The following HEMGN variants were observed in gnomAD, a reference collection of about 807,000 sequenced individuals.
The protein encoded by HEMGN is erythroid differentiation-associated gene protein.
A neutral mutation model predicts 45.7 loss-of-function variants in HEMGN; 32 were observed. That is an observed-to-expected ratio of 0.70 (90% confidence interval 0.53 to 0.94). The LOEUF is 0.94. HEMGN is among the 40% of genes least tolerant of loss of function. The probability of loss-of-function intolerance (pLI) is 0.00; values close to 1 mark genes in which losing one functional copy is unlikely to be tolerated. For missense variants in HEMGN, 530 were observed against 564.2 expected, an observed-to-expected ratio of 0.94 and a Z score of 0.61; for synonymous variants, 183 against 178.6, an observed-to-expected ratio of 1.02 and a Z score of -0.20.
At chr9:97,929,113 G>A (rs1826892690) in intron 3 of HEMGN, among the ~76,000 whole-genome samples, 1 of 152,128 alleles carries the variant, frequency 6.6e-6, no homozygotes, top group Non-Finnish European at 1.5e-5. Flanking sequence ...TGACCATATC[G>A]ACCTTGCTGG....
intron 1 of HEMGN, among the ~76,000 whole-genome samples, chr9:97,944,501 G>A (rs1203332148): frequency 6.6e-6 from 1 of 152,064 alleles, no homozygotes; most frequent in Non-Finnish European, 1.5e-5. Flanking sequence ...ACTTCTCATT[G>A]GAAGCATTGG....
Position 97,930,396 on chromosome 9 carries a change from A to G in HEMGN, c.999T>C (p.Ile333=), listed in dbSNP as rs763976396. ...YLPHKTCNEI[I]VPKAPSHKTI... ...TTTTATGAGAGGGGGCTTTAGGCAC[A>G]ATAATTTCGTTACATGTTTTATGAG... The change falls in exon 3 of 4, where the codon ATT becomes ATC. Residue 333 remains isoleucine (I), a synonymous_variant. Transcript: ENST00000616898. 17 of 1,614,096 alleles carry G rather than the reference A, an allele frequency of 1.1e-5. No individual in the cohort carries two copies. The South Asian group carries it at 1.6e-4, about 16-fold the overall frequency.
chr9:97,933,214 G>A (rs945314581), intron 2 of HEMGN, among the ~76,000 whole-genome samples: 5 of 152,078 alleles, frequency 3.3e-5, no homozygotes, highest in Admixed American at 3.3e-4. Context: ...GTGGTTATAA[G>A]AATTATATAT....
chr9:97,929,322 A>C (rs1215128092), intron 3 of HEMGN, among the ~76,000 whole-genome samples: 2 of 152,224 alleles, frequency 1.3e-5, no homozygotes, highest in African/African-American at 4.8e-5. Context: ...TTTTAGGATA[A>C]AGAGCAAGTA....
intron 3 of HEMGN, among the ~76,000 whole-genome samples, chr9:97,928,125 C>G (rs566776673): frequency 2.1e-3 from 312 of 150,812 alleles, no homozygotes; most frequent in African/African-American, 7.4e-3. Flanking sequence ...CTCCCGGGTT[C>G]ACGCCATTCT....
At position 97,931,053 on chromosome 9, in the gene HEMGN, T is replaced by C; in HGVS notation, c.342A>G (p.Ile114Met). 6.2e-7 allele frequency: 1 copy of C among 1,614,164 alleles called. No homozygotes were observed. The change falls in exon 3 of 4, where the codon ATA (isoleucine) becomes ATG (methionine). Residue 114 changes from isoleucine (I) to methionine (M), a missense_variant. Coordinates refer to ENST00000616898, the MANE Select transcript of HEMGN (RefSeq NM_197978.3). ...IEKKTEPPGS[I>M]TKVFPSVASP... is the part of the protein sequence containing the mutation. ...AGGCTACTGAAGGAAATACTTTGGT[T>C]ATGCTCCCAGGTGGCTCAGTTTTTT...
intron 2 of HEMGN, among the ~76,000 whole-genome samples, chr9:97,933,441 A>C (rs930607097): frequency 2.0e-5 from 3 of 152,192 alleles, no homozygotes; most frequent in Non-Finnish European, 4.4e-5. Flanking sequence ...CTTGCCCAAC[A>C]CTTGTATTTG....
chr9:97,938,244 CAA>C (rs1357982460), upstream of HEMGN: 3 of 730,906 alleles, frequency 4.1e-6, no homozygotes, highest in Admixed American at 5.0e-5. Flanking sequence ...ACCACACACA[CAA>C]GTTTGCCTGT....
intron 3 of HEMGN, among the ~76,000 whole-genome samples, chr9:97,929,477 G>A (rs999530130): frequency 6.6e-6 from 1 of 152,180 alleles, no homozygotes; most frequent in Non-Finnish European, 1.5e-5. Context: ...TGAAATTAAA[G>A]AAAGGTTGCA....
At chr9:97,939,602 C>A (rs1827121799), upstream of HEMGN, among the ~76,000 whole-genome samples, 1 of 152,138 alleles carries the variant, frequency 6.6e-6, no homozygotes, top group Non-Finnish European at 1.5e-5. Context: ...TTATTGCCAG[C>A]AGCATCTCTT....
upstream of HEMGN, among the ~76,000 whole-genome samples, chr9:97,941,526 A>T (rs1489048579): frequency 6.6e-6 from 1 of 152,220 alleles, no homozygotes; most frequent in Non-Finnish European, 1.5e-5. Flanking sequence ...CAGATGAGAG[A>T]TAATTAAGGT....
rs1027518178 is a variant in HEMGN, at chr9:97,927,098, A to G, written c.*286T>C. On this transcript the variant is annotated 3_prime_UTR_variant, in exon 4 of 4. Coordinates refer to ENST00000616898, the MANE Select transcript of HEMGN (RefSeq NM_197978.3). ...TAAATGTTCTTAGGGGGGAAAACCAATTATCCAGTCCTCCCCGCTTCCTTA... is the reference window on the plus strand; with the variant it reads ...TAAATGTTCTTAGGGGGGAAAACCAGTTATCCAGTCCTCCCCGCTTCCTTA... 1 of 226,618 alleles carries G rather than the reference A, an allele frequency of 4.4e-6. No homozygotes were observed. Among genetic ancestry groups the G allele is most frequent in the Non-Finnish European group, 8.5e-6 (1 of 117,498 alleles). The allele number at this position is 226,618 out of a possible 1,614,324, so 14.0% of individuals were successfully genotyped here.
Position 97,930,044 on chromosome 9 carries a change from A to G in HEMGN, c.1351T>C (p.Phe451Leu), listed in dbSNP as rs1377398636. 3.7e-6 allele frequency: 6 copies of G among 1,612,438 alleles called. No homozygotes were observed. The African/African-American group carries it at 8.0e-5, about 22-fold the overall frequency. The change falls in exon 3 of 4, where the codon TTT becomes CTT. Residue 451 changes from phenylalanine to leucine, a missense_variant. Transcript: ENST00000616898. ...HQEDAKDAYT[F>L]PQEMKEKPKE... The stretch of plus-strand genomic sequence containing the variant: ...TATAAACAGCCCTTACCTTGAGGAA[A>G]AGTATAAGCATCTTTAGCATCTTCC...
chr9:97,936,146 C>T, intron 2 of HEMGN, 25 bp downstream of exon 2: 5 of 1,442,076 alleles, frequency 3.5e-6, no homozygotes, highest in Non-Finnish European at 4.9e-6. Context: ...ATATTAGTTC[C>T]CTTTCCCTTG....
intron 1 of HEMGN, 91 bp downstream of exon 1, chr9:97,937,960 CTTTTTTT>C (rs199724877): frequency 1.8e-5 from 9 of 500,614 alleles, no homozygotes; most frequent in African/African-American, 4.3e-5. Flanking sequence ...CATTTATTTC[CTTTTTTT>C]TTTTTTTTGG....
chr9:97,931,751 TCTAAG>T (rs1826958006), intron 2 of HEMGN, among the ~76,000 whole-genome samples: 1 of 152,098 alleles, frequency 6.6e-6, no homozygotes, highest in Non-Finnish European at 1.5e-5. Flanking sequence ...TGTAAAGAAT[TCTAAG>T]TTGCTACAGT....
At chr9:97,937,936 G>T in intron 1 of HEMGN, 122 bp downstream of exon 1, 1 of 622,160 alleles carries the variant, frequency 1.6e-6, no homozygotes, top group Middle Eastern at 3.0e-4. Context: ...GGATGAACTA[G>T]TCTCATTAGC....
chr9:97,942,542 G>A (rs192896128), upstream of HEMGN, among the ~76,000 whole-genome samples: 3 of 152,066 alleles, frequency 2.0e-5, no homozygotes, highest in East Asian at 3.9e-4. Flanking sequence ...CTGCCTTTGC[G>A]TGCCAAAGTG....
chr9:97,927,398 A>G lies in HEMGN; in HGVS notation c.1441T>C (p.Tyr481His). Residue 481 changes from tyrosine (Y) to histidine (H), a missense_variant, in exon 4 of 4, where the codon TAT becomes CAT. Transcript: ENST00000616898. The stretch of plus-strand genomic sequence containing the variant: ...GTTGAGCATTGTTAAAACAAAACAT[A>G]ACTATAGACATCATTTTCTGGATGA... ...ESHPENDVYS[Y>H]VLF 6.3e-7 allele frequency: 1 copy of G among 1,598,698 alleles called. No individual in the cohort carries two copies. Among genetic ancestry groups the G allele is most frequent in the South Asian group, 1.1e-5 (1 of 89,706 alleles).
Sources: allele counts gnomAD v4.1 joint callset (sites outside exome capture counted in the v4.1 genomes callset), GRCh38; gene constraint gnomAD v4.1.1; transcripts MANE v1.5; gene names NCBI Gene and HGNC (gene_info 2026-07-23, HGNC 2026-07-21).